The following HIBCH variants were observed in gnomAD, a reference collection of about 807,000 sequenced individuals.
HIBCH encodes 3-hydroxyisobutyryl-CoA hydrolase, mitochondrial.
HIBCH carries 50 observed loss-of-function variants against 58.2 expected under a neutral mutation model. The observed-to-expected ratio is 0.86, with a 90% CI of 0.68 to 1.09. HIBCH has a LOEUF of 1.09. Among genes scored for constraint, HIBCH ranks in the 50% least tolerant of loss-of-function variants. The pLI, the probability that HIBCH is intolerant of heterozygous loss-of-function variation, is 0.00. For missense variants in HIBCH, 450 were observed against 449.7 expected (o/e 1.00, Z -0.01); for synonymous variants, 151 against 146.9 (o/e 1.03, Z -0.20).
intron 2 of HIBCH, among the ~76,000 whole-genome samples, chr2:190,310,290 C>T (rs754424019): frequency 2.0e-5 from 3 of 152,190 alleles, no homozygotes; most frequent in Non-Finnish European, 4.4e-5. Context: ...AATTTGCGGA[C>T]GGCCTATCAT....
At chr2:190,242,962 G>A (rs1041680764) in intron 11 of HIBCH, among the ~76,000 whole-genome samples, 5 of 152,158 alleles carry the variant, frequency 3.3e-5, no homozygotes, top group Non-Finnish European at 7.3e-5. Flanking sequence ...GCATAATTAT[G>A]ACCTTATTAT....
chr2:190,229,681 AC>A (rs1368314045), intron 11 of HIBCH, among the ~76,000 whole-genome samples: 1 of 152,232 alleles, frequency 6.6e-6, no homozygotes, highest in Non-Finnish European at 1.5e-5. Flanking sequence ...TTTTTTAAAC[AC>A]TTGCAAGGCA....
At position 190,302,754 on chromosome 2, in the gene HIBCH, A is replaced by G. The variant is rs921616275; in HGVS notation, c.79-5801T>C. On this transcript the variant is annotated intron_variant, in intron 2 of 13. Transcript: ENST00000359678. ...GTCCCCTTGGCTGAGAGGGGAGTCT[A>G]GTCATTGGGGGGAACAGGATTTTTT... is the stretch of plus-strand genomic sequence containing the variant. 2.0e-5 allele frequency among the ~76,000 whole-genome samples: 3 copies of G among 152,132 alleles called. 1 individual carries two copies. The East Asian group carries it at 5.8e-4, about 29-fold the overall frequency.
intron 1 of HIBCH, among the ~76,000 whole-genome samples, chr2:190,194,089 G>T (rs933035687): frequency 1.3e-5 from 2 of 152,026 alleles, no homozygotes; most frequent in African/African-American, 4.8e-5. Flanking sequence ...GGCTTTTCTA[G>T]ATATTTTACT....
At chr2:190,213,212 C>A in intron 11 of HIBCH, 137 bp from the exon 12 acceptor site, 1 of 720,576 alleles carries the variant, frequency 1.4e-6, no homozygotes, top group Non-Finnish European at 2.3e-6. Context: ...TTAATCCTGC[C>A]AAAGCACCAA....
Position 190,296,822 on chromosome 2 carries a change from T to C in HIBCH, c.210A>G (p.Pro70=). The C allele has an allele frequency of 6.2e-7, 1 of 1,613,896 alleles. No homozygotes were observed. Among genetic ancestry groups the C allele is most frequent in the Non-Finnish European group, 8.5e-7 (1 of 1,179,760 alleles). ...TAAGAAAATTACAAACCTTTAGCTG[T>C]GGATAAATCTGCCGAATCATATTAA... ...LTLNMIRQIY[P]QLKKWEQDPE... Residue 70 remains proline (P), a synonymous_variant, in exon 3 of 14, where the codon CCA becomes CCG. Transcript: ENST00000359678.
intron 1 of HIBCH, among the ~76,000 whole-genome samples, chr2:190,313,977 G>C (rs780841232): frequency 1.6e-4 from 25 of 152,030 alleles, no homozygotes; most frequent in Non-Finnish European, 4.4e-5. Flanking sequence ...TCTTTCTGGA[G>C]ATTTTAAGCA....
intron 6 of HIBCH, among the ~76,000 whole-genome samples, chr2:190,284,837 G>A (rs1384242792): frequency 2.6e-5 from 4 of 151,824 alleles, no homozygotes; most frequent in South Asian, 2.1e-4. Flanking sequence ...CTGAAATTTC[G>A]TGTTTCCTTT....
intron 1 of HIBCH, among the ~76,000 whole-genome samples, chr2:190,318,318 T>C (rs972339580): frequency 1.3e-5 from 2 of 151,532 alleles, no homozygotes; most frequent in South Asian, 2.1e-4. Flanking sequence ...AGAGTGGCAT[T>C]AGAAAAGTAG....
intron 2 of HIBCH, among the ~76,000 whole-genome samples, chr2:190,300,775 T>C (rs1377789090): frequency 6.6e-6 from 1 of 152,246 alleles, no homozygotes; most frequent in Non-Finnish European, 1.5e-5. Flanking sequence ...CCAGGGTTTT[T>C]ACAGCTTTGG....
intron 6 of HIBCH, among the ~76,000 whole-genome samples, chr2:190,267,102 A>T (rs1687264488): frequency 6.6e-6 from 1 of 151,848 alleles, no homozygotes; most frequent in African/African-American, 2.4e-5. Context: ...TTTATTTTAG[A>T]AGACCAATTC....
intron 1 of HIBCH, among the ~76,000 whole-genome samples, chr2:190,195,949 T>C (rs1199429740): frequency 6.7e-6 from 1 of 150,300 alleles, no homozygotes. Context: ...AGCTTTTTTT[T>C]TTTTTTTTTT....
chr2:190,202,231 T>A (rs2079539527), downstream of HIBCH: 1 of 167,038 alleles, frequency 6.0e-6, no homozygotes, highest in Admixed American at 6.5e-5. Context: ...TATACTTTTA[T>A]CACCAAGCAC....
intron 6 of HIBCH, among the ~76,000 whole-genome samples, chr2:190,270,681 C>T (rs1298976350): frequency 1.3e-5 from 2 of 152,160 alleles, no homozygotes; most frequent in African/African-American, 2.4e-5. Flanking sequence ...TTTGTCATCG[C>T]ACATGCTTTC....
chr2:190,299,025 T>C (rs1481132364), intron 2 of HIBCH, among the ~76,000 whole-genome samples: 1 of 152,222 alleles, frequency 6.6e-6, no homozygotes, highest in East Asian at 1.9e-4. Flanking sequence ...TGCTTGTTTT[T>C]GTCAGGTTTG....
At chr2:190,284,462 TA>T (rs561740329) in intron 6 of HIBCH, among the ~76,000 whole-genome samples, 145 of 152,330 alleles carry the variant, frequency 9.5e-4, no homozygotes, top group African/African-American at 3.4e-3. Flanking sequence ...AGTCTTGAGT[TA>T]TAACTTTAAG....
chr2:190,221,835 G>A (rs1685727645), intron 11 of HIBCH, among the ~76,000 whole-genome samples: 1 of 152,150 alleles, frequency 6.6e-6, no homozygotes. Flanking sequence ...GAGGAATCTG[G>A]CCAGGGATGG....
intron 6 of HIBCH, among the ~76,000 whole-genome samples, chr2:190,282,768 A>T (rs1424119767): frequency 6.6e-6 from 1 of 152,106 alleles, no homozygotes; most frequent in Non-Finnish European, 1.5e-5. Context: ...CGGCTATACA[A>T]GATGTTTATT....
At chr2:190,260,589 T>C (rs1299501366) in intron 7 of HIBCH, 1 of 152,400 alleles carries the variant, frequency 6.6e-6, no homozygotes, top group Non-Finnish European at 1.5e-5. Flanking sequence ...AGGTGGAACA[T>C]TGTCACTACC....
Sources: allele counts gnomAD v4.1 joint callset (sites outside exome capture counted in the v4.1 genomes callset), GRCh38; gene constraint gnomAD v4.1.1; transcripts MANE v1.5; gene names NCBI Gene and HGNC (gene_info 2026-07-23, HGNC 2026-07-21).